Variants in HIF1A observed in about 807,000 individuals in gnomAD.
HIF1A encodes the protein hypoxia-inducible factor 1-alpha.
A neutral mutation model predicts 92.7 loss-of-function variants in HIF1A; 24 were observed. That is an observed-to-expected ratio of 0.26 (90% CI 0.19 to 0.36). HIF1A has a LOEUF of 0.36. Among genes scored for constraint, HIF1A ranks in the 10% least tolerant of loss-of-function variants. HIF1A has a pLI of 1.00. For synonymous variants in HIF1A, 319 were observed against 338.7 expected, an observed-to-expected ratio of 0.94 and a Z score of 0.64; for missense variants, 799 against 998.5, an observed-to-expected ratio of 0.80 and a Z score of 2.69.
chr14:61,719,664 A>G (rs1372437210), intron 1 of HIF1A, among the ~76,000 whole-genome samples: 1 of 152,186 alleles, frequency 6.6e-6, no homozygotes, highest in African/African-American at 2.4e-5. Context: ...ATGTCATTGT[A>G]TTGACACCTT....
At chr14:61,717,488 G>C (rs1016663787) in intron 1 of HIF1A, among the ~76,000 whole-genome samples, 1 of 152,056 alleles carries the variant, frequency 6.6e-6, no homozygotes, top group Non-Finnish European at 1.5e-5. Context: ...ATATAGGTTT[G>C]TCAACTCTAT....
chr14:61,725,549 G>T (rs2044493634), intron 4 of HIF1A, among the ~76,000 whole-genome samples: 1 of 151,970 alleles, frequency 6.6e-6, no homozygotes, highest in African/African-American at 2.4e-5. Flanking sequence ...CAAGTAGCTG[G>T]GATTATAGGC....
chr14:61,703,622 A>T (rs11851112), intron 1 of HIF1A, among the ~76,000 whole-genome samples: 15,973 of 143,338 alleles, frequency 0.11, 921 homozygotes, highest in Middle Eastern at 0.21. Context: ...TTTGTAATAT[A>T]AAAAAAAAAA....
intron 1 of HIF1A, among the ~76,000 whole-genome samples, chr14:61,704,064 GGAT>G (rs548572298): frequency 1.7e-4 from 26 of 152,088 alleles, no homozygotes; most frequent in South Asian, 8.3e-4. Context: ...TGCTTTATTG[GGAT>G]GATAAGAATA....
At chr14:61,733,046 A>G (rs564684545) in intron 7 of HIF1A, among the ~76,000 whole-genome samples, 278 of 152,292 alleles carry the variant, frequency 1.8e-3, no homozygotes, top group Admixed American at 3.6e-3. Flanking sequence ...TTGTGTGACA[A>G]ACAATCCAGT....
intron 4 of HIF1A, 29 bp from the exon 5 acceptor site, chr14:61,726,677 T>C (rs1594874816): frequency 7.0e-7 from 1 of 1,425,604 alleles, no homozygotes; most frequent in East Asian, 2.3e-5. Flanking sequence ...ATTTAGTTGC[T>C]TTAAAACTTT....
intron 1 of HIF1A, among the ~76,000 whole-genome samples, chr14:61,709,998 G>GTAAA (rs2044287821): frequency 6.6e-6 from 1 of 152,036 alleles, no homozygotes. Flanking sequence ...TGTAAACTTT[G>GTAAA]CTAACACTGT....
At chr14:61,713,159 G>C (rs150569049) in intron 1 of HIF1A, among the ~76,000 whole-genome samples, 53 of 152,174 alleles carry the variant, frequency 3.5e-4, no homozygotes, top group African/African-American at 1.2e-3. Flanking sequence ...ATAAAGAGGT[G>C]GACAGGGAAC....
chr14:61,743,851 G>A, intron 12 of HIF1A, among the ~76,000 whole-genome samples: 1 of 152,218 alleles, frequency 6.6e-6, no homozygotes, highest in East Asian at 1.9e-4. Flanking sequence ...GGAAGAGCAG[G>A]GGAGGGGAGG....
At chr14:61,735,377 T>C (rs1449578191) in intron 8 of HIF1A, among the ~76,000 whole-genome samples, 1 of 152,128 alleles carries the variant, frequency 6.6e-6, no homozygotes, top group Non-Finnish European at 1.5e-5. Flanking sequence ...TGCCACAGAG[T>C]TCTTTTGTGA....
intron 1 of HIF1A, among the ~76,000 whole-genome samples, chr14:61,712,958 GAA>G (rs547316183): frequency 1.9e-4 from 23 of 121,378 alleles, no homozygotes; most frequent in African/African-American, 6.4e-4. Context: ...GAAGCCAGAG[GAA>G]AAAAAAAAAA....
At position 61,696,611 on chromosome 14, in the gene HIF1A, TATCACCTGTCACGAGAACGCAG is replaced by T. The variant is rs1246431763; in HGVS notation, c.35+775_35+796del. 2.6e-5 allele frequency among the ~76,000 whole-genome samples: 4 copies of T among 152,318 alleles called. No individual in the cohort carries two copies. The East Asian group carries it at 7.7e-4, about 29-fold the overall frequency. On this transcript the variant is annotated intron_variant, in intron 1 of 14. Transcript: ENST00000337138. ...CTTCAGAATTGGATACTTGAGTTCATATCACCTGTCACGAGAACGCAGATATTATAAATGAATATATGCCTCA... is the reference window on the plus strand; with the variant it reads ...CTTCAGAATTGGATACTTGAGTTCATATATTATAAATGAATATATGCCTCA...
Position 61,744,777 on chromosome 14 carries a change from G to T in HIF1A, c.2166G>T (p.Met722Ile). 6.3e-7 allele frequency: 1 copy of T among 1,593,654 alleles called. No individual in the cohort carries two copies. Among genetic ancestry groups the T allele is most frequent in the Non-Finnish European group, 8.6e-7 (1 of 1,164,708 alleles). Residue 722 changes from methionine (M) to isoleucine (I), a missense_variant, in exon 13 of 15, where the codon ATG (methionine) becomes ATT (isoleucine). This residue lies in a region of HIF1A where 283 missense variants were observed against 277.5 expected (regional missense o/e 1.02). Transcript: ENST00000337138. ...AGAATGCTCAGAGAAAGCGAAAAAT[G>T]GAACATGATGGTTCACTTTTTCAAG... ...ALQNAQRKRK[M>I]EHDGSLFQAV... is the part of the protein sequence containing the mutation.
Position 61,695,793 on chromosome 14 carries a change from G to C in HIF1A, c.-12G>C. 6.3e-7 allele frequency: 1 copy of C among 1,596,498 alleles called. No individual in the cohort carries two copies. The highest frequency in any genetic ancestry group is 1.1e-5 in the South Asian group (1 of 87,914). On this transcript the variant is annotated 5_prime_UTR_variant, in exon 1 of 15. Transcript: ENST00000337138. ...CCGCCCGCCGTGAAGACATCGCGGG[G>C]ACCGATTCACCATGGAGGGCGCCGG...
At chr14:61,708,344 T>C (rs2044266579) in intron 1 of HIF1A, among the ~76,000 whole-genome samples, 1 of 152,232 alleles carries the variant, frequency 6.6e-6, no homozygotes. Context: ...TCTGTTGCCA[T>C]GGCTTTTGGT....
intron 9 of HIF1A, 147 bp from the exon 10 acceptor site, chr14:61,737,940 T>C (rs1193739036): frequency 3.5e-6 from 2 of 569,084 alleles, no homozygotes; most frequent in Admixed American, 7.3e-5. Flanking sequence ...GGCAGGGGAA[T>C]TGCTTGAACC....
In HIF1A at chr14:61,738,072, A is replaced by AT; in HGVS notation, c.1250-9dup. 5.8e-6 allele frequency: 9 copies of AT among 1,562,766 alleles called. No homozygotes were observed. The highest frequency in any genetic ancestry group is 7.8e-6 in the Non-Finnish European group (9 of 1,156,528). ...CCTTCTATACTTTAGATTGACTCAT[A>AT]TTTTTTCCCCACAGACACAGAAACT... On this transcript the variant is annotated splice_polypyrimidine_tract_variant and intron_variant, in intron 9 of 14. Transcript: ENST00000337138.
intron 10 of HIF1A, among the ~76,000 whole-genome samples, chr14:61,738,931 G>A (rs566297345): frequency 1.3e-5 from 2 of 152,166 alleles, no homozygotes; most frequent in Admixed American, 1.3e-4. Flanking sequence ...GTGTGTGTGT[G>A]TGGAGTTGGG....
chr14:61,697,226 AGAGAAGGTCACT>A (rs2044127301), intron 1 of HIF1A, among the ~76,000 whole-genome samples: 1 of 152,206 alleles, frequency 6.6e-6, no homozygotes, highest in Non-Finnish European at 1.5e-5. Context: ...TGTATACAGC[AGAGAAGGTCACT>A]TATAAAATTC....
Sources: allele counts gnomAD v4.1 joint callset (sites outside exome capture counted in the v4.1 genomes callset), GRCh38; gene constraint gnomAD v4.1.1; regional missense constraint gnomAD v4.1.1; transcripts MANE v1.5; gene names NCBI Gene and HGNC (gene_info 2026-07-23, HGNC 2026-07-21).